PCSK6: variants seen among roughly 807,000 people sequenced by gnomAD.
The protein encoded by PCSK6 is paired basic amino acid cleaving enzyme 4.
Under a neutral mutation model 123.3 loss-of-function variants are expected in PCSK6, and 85 were observed. The observed-to-expected ratio is 0.69, with a 90% confidence interval of 0.58 to 0.83. The LOEUF is 0.83. Among genes scored for constraint, PCSK6 ranks in the 40% least tolerant of loss-of-function variants. The pLI is 0.00. For synonymous variants in PCSK6, 508 were observed against 516.0 expected (o/e 0.98, Z 0.21); for missense variants, 1,191 against 1,282.3 (o/e 0.93, Z 1.09).
intron 11 of PCSK6, among the ~76,000 whole-genome samples, chr15:101,379,197 C>T (rs577108457): frequency 5.7e-4 from 87 of 152,336 alleles, no homozygotes; most frequent in African/African-American, 1.5e-3. Context: ...TGTCAGTCAC[C>T]GCCATGAGGA....
chr15:101,360,340 C>G (rs1046820238), intron 13 of PCSK6, among the ~76,000 whole-genome samples: 2 of 152,204 alleles, frequency 1.3e-5, no homozygotes, highest in African/African-American at 4.8e-5. Context: ...TGACTTCCAA[C>G]CAAGTCCCTG....
At chr15:101,352,111 C>G (rs917004876) in intron 13 of PCSK6, among the ~76,000 whole-genome samples, 1 of 147,492 alleles carries the variant, frequency 6.8e-6, no homozygotes, top group Non-Finnish European at 1.5e-5. Context: ...TGAGTTTGTC[C>G]AAAATATTTT....
intron 1 of PCSK6, among the ~76,000 whole-genome samples, chr15:101,461,591 C>T (rs1271356818): frequency 6.6e-6 from 1 of 152,110 alleles, no homozygotes. Context: ...AGCAAAACTC[C>T]TAACTAAAAT....
chr15:101,318,653 C>T (rs150151515), intron 18 of PCSK6, among the ~76,000 whole-genome samples: 4 of 152,320 alleles, frequency 2.6e-5, no homozygotes, highest in South Asian at 2.1e-4. Context: ...AGGCAGCAGG[C>T]GCCAGGCTCC....
chr15:101,391,347 C>T (rs907571027), intron 8 of PCSK6, among the ~76,000 whole-genome samples: 9 of 152,190 alleles, frequency 5.9e-5, no homozygotes, highest in South Asian at 2.1e-4. Flanking sequence ...CAGGAGGCCA[C>T]GCTCCCAAGA....
chr15:101,329,651 T>C (rs1427880922), intron 15 of PCSK6, among the ~76,000 whole-genome samples: 2 of 152,230 alleles, frequency 1.3e-5, no homozygotes, highest in Non-Finnish European at 2.9e-5. Context: ...GGAGCTGCCC[T>C]GGAACTCCGT....
intron 20 of PCSK6, chr15:101,307,589 G>A: frequency 2.4e-6 from 1 of 415,432 alleles, no homozygotes; most frequent in Non-Finnish European, 4.4e-6. Flanking sequence ...CAGGGGCCAG[G>A]CCTCCGAGGC....
At chr15:101,360,767 A>T (rs1042995717) in intron 13 of PCSK6, among the ~76,000 whole-genome samples, 2 of 152,136 alleles carry the variant, frequency 1.3e-5, no homozygotes, top group African/African-American at 4.8e-5. Flanking sequence ...CCCTTTTCCC[A>T]GATGTCTGCA....
intron 10 of PCSK6, among the ~76,000 whole-genome samples, chr15:101,382,783 A>G (rs1440138739): frequency 2.6e-5 from 4 of 152,164 alleles, no homozygotes; most frequent in Non-Finnish European, 5.9e-5. Flanking sequence ...TCAAAGTTTA[A>G]TTTAAGAGGC....
At chr15:101,402,793 A>C (rs1476429917) in intron 6 of PCSK6, among the ~76,000 whole-genome samples, 11 of 152,170 alleles carry the variant, frequency 7.2e-5, no homozygotes, top group Non-Finnish European at 1.3e-4. Context: ...GAGGATGTGG[A>C]GAAATAGGAA....
At chr15:101,477,013 G>A (rs946056419) in intron 1 of PCSK6, among the ~76,000 whole-genome samples, 2 of 152,204 alleles carry the variant, frequency 1.3e-5, no homozygotes, top group Non-Finnish European at 2.9e-5. Flanking sequence ...CTCCCTGCAC[G>A]GTCCTGACCT....
At position 101,370,396 on chromosome 15, in the gene PCSK6, C is replaced by T; in HGVS notation, c.1660G>A (p.Gly554Arg). 1.9e-6 allele frequency: 3 copies of T among 1,553,612 alleles called. No homozygotes were observed. Among genetic ancestry groups the T allele is most frequent in the Non-Finnish European group, 2.6e-6 (3 of 1,148,090 alleles). The change falls in exon 12 of 22, where the codon GGA becomes AGA. Residue 554 changes from glycine to arginine, a missense_variant. Gly to Arg is a moderately radical substitution (Grantham distance 125). Transcript: ENST00000611716. ...VRTSISHPRR[G>R]DLQIYLVSPS... ...GAAACCAGGTAGATCTGGAGGTCTCCTCGGCGTGGGTGTGAGATGGAGGTG... is the reference window on the plus strand; with the variant it reads ...GAAACCAGGTAGATCTGGAGGTCTCTTCGGCGTGGGTGTGAGATGGAGGTG...
intron 15 of PCSK6, among the ~76,000 whole-genome samples, chr15:101,329,254 T>C (rs2040324609): frequency 6.6e-6 from 1 of 152,178 alleles, no homozygotes; most frequent in Admixed American, 6.5e-5. Context: ...AAATAAATGT[T>C]AGAAGCAACT....
intron 2 of PCSK6, among the ~76,000 whole-genome samples, chr15:101,441,905 C>T (rs2056764423): frequency 6.6e-6 from 1 of 152,190 alleles, no homozygotes; most frequent in African/African-American, 2.4e-5. Flanking sequence ...GACCTCTTTC[C>T]TAGCTTAGAA....
intron 1 of PCSK6, among the ~76,000 whole-genome samples, chr15:101,452,931 G>A (rs56285053): frequency 0.18 from 27,811 of 152,166 alleles, 2,984 homozygotes; most frequent in African/African-American, 0.29. Flanking sequence ...GGTTCTCTGC[G>A]CTGGGTCAGT....
chr15:101,351,555 T>C (rs1265160426), intron 13 of PCSK6, among the ~76,000 whole-genome samples: 2 of 152,182 alleles, frequency 1.3e-5, no homozygotes, highest in South Asian at 4.1e-4. Context: ...ATGAAAGCAG[T>C]CTCTGAGAAT....
At chr15:101,423,493 C>T (rs2056152234) in intron 6 of PCSK6, among the ~76,000 whole-genome samples, 1 of 152,054 alleles carries the variant, frequency 6.6e-6, no homozygotes, top group Admixed American at 6.6e-5. Context: ...AACTCCTGAT[C>T]TCAGGTGATC....
chr15:101,373,847 A>G (rs1253493597), intron 11 of PCSK6, among the ~76,000 whole-genome samples: 1 of 152,246 alleles, frequency 6.6e-6, no homozygotes, highest in African/African-American at 2.4e-5. Flanking sequence ...ATGTGCAGAG[A>G]TTATCACTGT....
chr15:101,371,993 G>T (rs2041600785), intron 11 of PCSK6, among the ~76,000 whole-genome samples: 2 of 152,106 alleles, frequency 1.3e-5, no homozygotes, highest in Admixed American at 1.3e-4. Context: ...ACTCCTTCCT[G>T]CTAGAATTTT....
Sources: gnomAD v4.1 joint callset for allele counts (sites outside exome capture counted in the v4.1 genomes callset) on GRCh38, gnomAD v4.1.1 for gene constraint, MANE v1.5 for transcripts, NCBI Gene and HGNC (gene_info 2026-07-23, HGNC 2026-07-21) for gene names.